The following SLC35B4 variants were observed in gnomAD, a reference collection of about 807,000 sequenced individuals.
SLC35B4 encodes nucleotide sugar transporter SLC35B4.
In SLC35B4, 28 loss-of-function variants were observed where a neutral mutation model predicts 39.5. The observed-to-expected ratio is 0.71, with a 90% confidence interval of 0.53 to 0.97. SLC35B4 has a LOEUF of 0.97. SLC35B4 is among the 50% of genes least tolerant of loss of function. The pLI is 0.00. For synonymous variants in SLC35B4, 145 were observed against 150.4 expected, an observed-to-expected ratio of 0.96 and a Z score of 0.26; for missense variants, 334 against 414.3, an observed-to-expected ratio of 0.81 and a Z score of 1.68.
At chr7:134,312,603 A>G (rs1028324073) in intron 1 of SLC35B4, among the ~76,000 whole-genome samples, 1 of 152,214 alleles carries the variant, frequency 6.6e-6, no homozygotes, top group African/African-American at 2.4e-5. Context: ...GAGGGTTCCA[A>G]TGTGATCTAG....
intron 4 of SLC35B4, among the ~76,000 whole-genome samples, chr7:134,302,921 C>A (rs530784917): frequency 6.6e-6 from 1 of 151,984 alleles, no homozygotes; most frequent in African/African-American, 2.4e-5. Flanking sequence ...CGCTAGAGAG[C>A]GGTTGGGGAG....
intron 1 of SLC35B4, among the ~76,000 whole-genome samples, chr7:134,309,724 G>A (rs1803791631): frequency 6.6e-6 from 1 of 152,186 alleles, no homozygotes; most frequent in Admixed American, 6.5e-5. Flanking sequence ...GAATTACTGT[G>A]ACGACACACT....
At chr7:134,310,853 T>C (rs73443151) in intron 1 of SLC35B4, among the ~76,000 whole-genome samples, 2,009 of 152,284 alleles carry the variant, frequency 0.013, 46 homozygotes, top group African/African-American at 0.046. Flanking sequence ...GGCCTCTGTA[T>C]TTTCATCTTG....
chr7:134,296,184 G>A (rs1803461655), intron 9 of SLC35B4, among the ~76,000 whole-genome samples: 2 of 152,142 alleles, frequency 1.3e-5, no homozygotes, highest in African/African-American at 4.8e-5. Flanking sequence ...CTGCTGCCCT[G>A]TGCCTTACTG....
At chr7:134,308,395 A>T (rs906230211) in intron 2 of SLC35B4, among the ~76,000 whole-genome samples, 1 of 152,184 alleles carries the variant, frequency 6.6e-6, no homozygotes, top group Admixed American at 6.5e-5. Context: ...GGGCCAGAGG[A>T]GTCAAGAAAT....
At chr7:134,311,855 G>A (rs769115111) in intron 1 of SLC35B4, among the ~76,000 whole-genome samples, 11 of 152,112 alleles carry the variant, frequency 7.2e-5, no homozygotes, top group Admixed American at 4.6e-4. Flanking sequence ...TGCATGTGTC[G>A]CTGTATATGT....
At chr7:134,302,592 T>C (rs574472651) in intron 4 of SLC35B4, among the ~76,000 whole-genome samples, 2 of 152,262 alleles carry the variant, frequency 1.3e-5, no homozygotes, top group Admixed American at 1.3e-4. Context: ...GGGGGAGGCT[T>C]GTTTTTTTTA....
chr7:134,295,771 T>C (rs1046041758), intron 9 of SLC35B4, among the ~76,000 whole-genome samples: 1 of 152,054 alleles, frequency 6.6e-6, no homozygotes, highest in African/African-American at 2.4e-5. Flanking sequence ...TCACTGGAAA[T>C]ATCTTAGGAC....
chr7:134,316,106 A>G (rs940232781), intron 1 of SLC35B4, among the ~76,000 whole-genome samples: 1 of 152,164 alleles, frequency 6.6e-6, no homozygotes, highest in African/African-American at 2.4e-5. Context: ...TGGGCAAAGT[A>G]CTCATAACCA....
chr7:134,313,370 CTATT>C (rs1429202716), intron 1 of SLC35B4, among the ~76,000 whole-genome samples: 4 of 152,240 alleles, frequency 2.6e-5, no homozygotes, highest in East Asian at 3.9e-4. Context: ...ATTTAGGAAA[CTATT>C]TAATTCAAGA....
At chr7:134,317,056 G>A (rs1804004621), upstream of SLC35B4, 5 of 362,660 alleles carry the variant, frequency 1.4e-5, no homozygotes, top group South Asian at 2.1e-4. Context: ...CTTCCGCCAG[G>A]CAGCTCCGCC....
chr7:134,314,888 G>A (rs114413853), intron 1 of SLC35B4, among the ~76,000 whole-genome samples: 4,145 of 152,124 alleles, frequency 0.027, 177 homozygotes, highest in African/African-American at 0.094. Flanking sequence ...CTTTAAAAGT[G>A]TATCAGATTT....
chr7:134,316,035 C>T (rs759840279), intron 1 of SLC35B4, among the ~76,000 whole-genome samples: 1 of 151,988 alleles, frequency 6.6e-6, no homozygotes, highest in East Asian at 1.9e-4. Context: ...AGAGCACTCT[C>T]GGGTCACGTG....
intron 1 of SLC35B4, among the ~76,000 whole-genome samples, chr7:134,315,877 G>A (rs73443161): frequency 0.022 from 3,355 of 152,228 alleles, 152 homozygotes; most frequent in African/African-American, 0.077. Flanking sequence ...TAGTCCTGGA[G>A]GCTTTTCCAC....
At chr7:134,318,387 C>G (rs1443192209), upstream of SLC35B4, among the ~76,000 whole-genome samples, 2 of 129,812 alleles carry the variant, frequency 1.5e-5, no homozygotes, top group Non-Finnish European at 3.4e-5. Flanking sequence ...TGAGTTTGCA[C>G]AGTGCTGGCA....
At position 134,295,035 on chromosome 7, in the gene SLC35B4, G is replaced by A. The variant is rs141383239; in HGVS notation, c.794C>T (p.Ala265Val). Residue 265 changes from alanine (A) to valine (V), a missense_variant, in exon 10 of 10, where the codon GCC (alanine) becomes GTC (valine). Ala to Val is a moderately conservative substitution (Grantham distance 64). Coordinates refer to ENST00000378509, the MANE Select transcript of SLC35B4 (RefSeq NM_032826.5). ...RGVFILTTEC[A>V]SLTVTLVVTL... ...CACGACGAGCGTGACGGTGAGGGAG[G>A]CGCATTCTGTGGTGAGGATAAACAC... 436 of 1,614,128 alleles carry A rather than the reference G, an allele frequency of 2.7e-4. 1 individual carries two copies. The African/African-American group carries it at 5.3e-3, about 20-fold the overall frequency.
At chr7:134,311,358 C>T (rs1166954600) in intron 1 of SLC35B4, among the ~76,000 whole-genome samples, 1 of 152,164 alleles carries the variant, frequency 6.6e-6, no homozygotes, top group African/African-American at 2.4e-5. Context: ...TTTTAAAAAC[C>T]TGTTTCCCAA....
chr7:134,308,380 G>A (rs1803757955), intron 2 of SLC35B4, among the ~76,000 whole-genome samples: 1 of 152,176 alleles, frequency 6.6e-6, no homozygotes, highest in Non-Finnish European at 1.5e-5. Context: ...GGAAGAGGCA[G>A]GAAAGGGCCA....
Position 134,290,122 on chromosome 7 carries a change from T to C in SLC35B4, c.*4711A>G, listed in dbSNP as rs1477334938. The C allele has an allele frequency of 3.3e-5, 5 of 152,192 alleles. No individual in the cohort carries two copies. The highest frequency in any genetic ancestry group is 3.3e-4 in the Admixed American group (5 of 15,274). 9.4% of individuals were successfully genotyped at this position (152,192 alleles called of 1,614,324 possible). On this transcript the variant is annotated 3_prime_UTR_variant, in exon 10 of 10. Coordinates refer to ENST00000378509, the MANE Select transcript of SLC35B4 (RefSeq NM_032826.5). The stretch of plus-strand genomic sequence containing the variant: ...ACTTTTAAGAATCTTTAATGTTCTA[T>C]TAGGGATCTTCTTGCACTTTCTTCC...
Sources: gnomAD v4.1 joint callset for allele counts (sites outside exome capture counted in the v4.1 genomes callset) on GRCh38, gnomAD v4.1.1 for gene constraint, MANE v1.5 for transcripts, NCBI Gene and HGNC (gene_info 2026-07-23, HGNC 2026-07-21) for gene names.